The following ZNF892 variants were observed in gnomAD, a reference collection of about 807,000 sequenced individuals.
ZNF892 encodes zinc finger protein 570-like.
the ZNF892 span, among the ~76,000 whole-genome samples, chr2:95,243,611 C>T: frequency 4.7e-5 from 7 of 150,494 alleles, no homozygotes; most frequent in Non-Finnish European, 7.4e-5. Flanking sequence ...CCCCTCAGCC[C>T]AGCAGCCGCC....
chr2:95,215,376 A>G, the ZNF892 span: 2 of 456,132 alleles, frequency 4.4e-6, no homozygotes, highest in South Asian at 6.8e-5. Flanking sequence ...TTACAAATGT[A>G]AAGATTGTGG....
the ZNF892 span, among the ~76,000 whole-genome samples, chr2:95,214,009 TA>T: frequency 6.6e-6 from 1 of 152,148 alleles, no homozygotes; most frequent in African/African-American, 2.4e-5. Context: ...GATCCTTTTT[TA>T]AAAAAATCTG....
the ZNF892 span, among the ~76,000 whole-genome samples, chr2:95,219,965 G>C: frequency 6.6e-6 from 1 of 152,196 alleles, no homozygotes; most frequent in Non-Finnish European, 1.5e-5. Flanking sequence ...CTGTGGGGTT[G>C]AGGGTAACAT....
the ZNF892 span, among the ~76,000 whole-genome samples, chr2:95,208,449 C>A: frequency 6.6e-6 from 1 of 152,170 alleles, no homozygotes; most frequent in African/African-American, 2.4e-5. Flanking sequence ...CATAGGAGTT[C>A]TACTGGAGTT....
the ZNF892 span, chr2:95,207,493 G>A: frequency 3.5e-5 from 9 of 259,814 alleles, no homozygotes; most frequent in Non-Finnish European, 5.8e-5. Flanking sequence ...GCCGTCAGCC[G>A]CGCCCCGCGG....
At chr2:95,240,028 G>A in the ZNF892 span, among the ~76,000 whole-genome samples, 1 of 151,998 alleles carries the variant, frequency 6.6e-6, no homozygotes, top group South Asian at 2.1e-4. Context: ...AGCTTAAGTA[G>A]TCTAGTAGAT....
At chr2:95,253,069 G>T in the ZNF892 span, among the ~76,000 whole-genome samples, 1 of 152,148 alleles carries the variant, frequency 6.6e-6, no homozygotes, top group Non-Finnish European at 1.5e-5. Context: ...TTCTTTTGCT[G>T]TGCAGAAGCT....
At chr2:95,223,351 C>G in the ZNF892 span, among the ~76,000 whole-genome samples, 1 of 152,098 alleles carries the variant, frequency 6.6e-6, no homozygotes, top group African/African-American at 2.4e-5. Context: ...TAGCAACTTT[C>G]TTTAAACATA....
the ZNF892 span, among the ~76,000 whole-genome samples, chr2:95,252,332 G>A: frequency 6.0e-5 from 9 of 150,024 alleles, no homozygotes; most frequent in Admixed American, 3.4e-4. Flanking sequence ...GAGAACATGC[G>A]GTGTTTGGTT....
At chr2:95,249,229 A>ATTTTTTT in the ZNF892 span, among the ~76,000 whole-genome samples, 8 of 70,628 alleles carry the variant, frequency 1.1e-4, no homozygotes, top group Non-Finnish European at 2.1e-4. Context: ...ATATATATAT[A>ATTTTTTT]TATTTTTTTT....
chr2:95,245,775 A>G, the ZNF892 span, among the ~76,000 whole-genome samples: 1 of 152,138 alleles, frequency 6.6e-6, no homozygotes, highest in African/African-American at 2.4e-5. Context: ...GAAGAAATGA[A>G]TAAAATACTG....
the ZNF892 span, among the ~76,000 whole-genome samples, chr2:95,239,437 TAC>T: frequency 6.6e-6 from 1 of 152,158 alleles, no homozygotes; most frequent in African/African-American, 2.4e-5. Context: ...GACAGCATGC[TAC>T]ACAGATATTT....
the ZNF892 span, chr2:95,214,766 A>G: frequency 4.2e-5 from 19 of 451,276 alleles, no homozygotes; most frequent in Admixed American, 6.6e-4. Flanking sequence ...GAATTCACAC[A>G]GGAGAAAAAC....
chr2:95,252,570 G>A, the ZNF892 span, among the ~76,000 whole-genome samples: 1 of 152,170 alleles, frequency 6.6e-6, no homozygotes, highest in South Asian at 2.1e-4. Context: ...CTTTATAGCA[G>A]CATGATTTAT....
the ZNF892 span, among the ~76,000 whole-genome samples, chr2:95,261,678 G>C: frequency 3.9e-5 from 6 of 152,240 alleles, no homozygotes; most frequent in Non-Finnish European, 8.8e-5. Flanking sequence ...AGCAAAGTGA[G>C]CAAAGGGACA....
At chr2:95,224,795 G>T in the ZNF892 span, among the ~76,000 whole-genome samples, 2 of 152,218 alleles carry the variant, frequency 1.3e-5, no homozygotes, top group Non-Finnish European at 2.9e-5. Context: ...CTAATGGGAG[G>T]TCAATGGATT....
chr2:95,242,274 A>G, the ZNF892 span, among the ~76,000 whole-genome samples: 1 of 152,254 alleles, frequency 6.6e-6, no homozygotes, highest in Non-Finnish European at 1.5e-5. Context: ...AGGGAAGCCT[A>G]TTAGACTAAC....
chr2:95,224,529 G>A, the ZNF892 span, among the ~76,000 whole-genome samples: 1 of 152,120 alleles, frequency 6.6e-6, no homozygotes, highest in African/African-American at 2.4e-5. Context: ...GGCCAGAGCA[G>A]GAGAGGGGGA....
the ZNF892 span, among the ~76,000 whole-genome samples, chr2:95,233,445 G>A: frequency 1.3e-5 from 2 of 150,600 alleles, no homozygotes; most frequent in African/African-American, 4.9e-5. Flanking sequence ...AGGCCGAGGC[G>A]GGTGGATCAC....
Sources: allele counts gnomAD v4.1 joint callset (sites outside exome capture counted in the v4.1 genomes callset), GRCh38; gene constraint gnomAD v4.1.1; transcripts MANE v1.5; gene names NCBI Gene and HGNC (gene_info 2026-07-23, HGNC 2026-07-21).